The following BABAM2 variants were observed in gnomAD, a reference collection of about 807,000 sequenced individuals.
BABAM2 encodes the protein BRISC and BRCA1 A complex member 2, also known as BRISC and BRCA1-A complex member 2.
A neutral mutation model predicts 54.7 loss-of-function variants in BABAM2; 31 were observed. That is an observed-to-expected ratio of 0.57 (90% CI 0.43 to 0.77). BABAM2 has a LOEUF of 0.77. Ranked by LOEUF, BABAM2 falls within the 30% of genes least tolerant of loss-of-function variation. BABAM2 has a pLI of 0.00. For missense variants in BABAM2, 364 were observed against 455.8 expected, an observed-to-expected ratio of 0.80 and a Z score of 1.83; for synonymous variants, 167 against 162.9, an observed-to-expected ratio of 1.03 and a Z score of -0.19.
intron 6 of BABAM2, among the ~76,000 whole-genome samples, chr2:28,050,694 C>T (rs778783120): frequency 1.3e-5 from 2 of 152,232 alleles, no homozygotes; most frequent in Middle Eastern, 3.4e-3. Flanking sequence ...TTAACTTGTA[C>T]GCTACCTGCC....
At chr2:28,326,392 G>A (rs545025431) in intron 11 of BABAM2, among the ~76,000 whole-genome samples, 1 of 152,268 alleles carries the variant, frequency 6.6e-6, no homozygotes, top group South Asian at 2.1e-4. Flanking sequence ...GGCACACCAG[G>A]CAGGTGCAGA....
chr2:28,324,099 G>A (rs893908317), intron 11 of BABAM2, among the ~76,000 whole-genome samples: 9 of 152,188 alleles, frequency 5.9e-5, no homozygotes, highest in African/African-American at 2.2e-4. Context: ...CATCTAGGGG[G>A]TTTTGTAGAA....
intron 7 of BABAM2, among the ~76,000 whole-genome samples, chr2:28,176,569 C>CAA (rs778275011): frequency 0.054 from 274 of 5,030 alleles, 119 homozygotes; most frequent in South Asian, 0.096. Flanking sequence ...GACTCTATCT[C>CAA]AAAAAAAAAA....
At chr2:28,324,460 A>G (rs1011015234) in intron 11 of BABAM2, among the ~76,000 whole-genome samples, 1 of 152,084 alleles carries the variant, frequency 6.6e-6, no homozygotes, top group African/African-American at 2.4e-5. Flanking sequence ...ATTGCCACCT[A>G]TTAGCTGTGT....
intron 6 of BABAM2, among the ~76,000 whole-genome samples, chr2:28,095,273 T>C (rs1010394689): frequency 6.6e-6 from 1 of 152,080 alleles, no homozygotes; most frequent in Non-Finnish European, 1.5e-5. Context: ...CAAGTCTGGG[T>C]CAGGTGCCTT....
intron 2 of BABAM2, among the ~76,000 whole-genome samples, chr2:27,926,986 A>G (rs1278684939): frequency 6.6e-6 from 1 of 152,180 alleles, no homozygotes; most frequent in Non-Finnish European, 1.5e-5. Context: ...ACTATTTATT[A>G]TTGTTAACTC....
Position 27,894,578 on chromosome 2 carries a change from A to G in BABAM2, c.22A>G (p.Asn8Asp). The change falls in exon 2 of 12, where the codon AAC (asparagine) becomes GAC (aspartate). Residue 8 changes from asparagine to aspartate, a missense_variant. Physicochemically the swap from Asn to Asp is conservative, Grantham distance 23. Coordinates refer to ENST00000379624, the MANE Select transcript of BABAM2 (RefSeq NM_199191.3). Reference protein sequence around the residue: MSPEVALNRISPMLSPFI... With the variant: MSPEVALDRISPMLSPFI... ...TAAAATGTCCCCAGAAGTGGCCTTG[A>G]ACCGAATATCTCCAATGCTCTCCCC... is the stretch of plus-strand genomic sequence containing the variant. 1 of 1,614,100 alleles carries G rather than the reference A, an allele frequency of 6.2e-7. No homozygotes were observed. The highest frequency in any genetic ancestry group is 8.5e-7 in the Non-Finnish European group (1 of 1,179,956).
At chr2:28,033,196 T>C (rs980312909) in intron 5 of BABAM2, among the ~76,000 whole-genome samples, 7 of 152,262 alleles carry the variant, frequency 4.6e-5, no homozygotes, top group African/African-American at 1.7e-4. Context: ...TCTCAATGGG[T>C]AAATCCTAAG....
At chr2:27,974,213 A>G (rs1289810012) in intron 3 of BABAM2, among the ~76,000 whole-genome samples, 2 of 152,212 alleles carry the variant, frequency 1.3e-5, no homozygotes, top group Admixed American at 1.3e-4. Flanking sequence ...CATTTTTCTG[A>G]TATCAAAATC....
At chr2:28,081,041 A>T (rs974030351) in intron 6 of BABAM2, among the ~76,000 whole-genome samples, 2 of 152,190 alleles carry the variant, frequency 1.3e-5, no homozygotes, top group African/African-American at 4.8e-5. Flanking sequence ...ACACCAAAAG[A>T]ATTTTTATTG....
At chr2:28,123,666 G>T (rs765282671) in intron 6 of BABAM2, among the ~76,000 whole-genome samples, 1 of 152,158 alleles carries the variant, frequency 6.6e-6, no homozygotes, top group African/African-American at 2.4e-5. Flanking sequence ...ACAGCACTGT[G>T]TGGATTTGTA....
At chr2:28,126,657 C>A (rs1412020564) in intron 6 of BABAM2, among the ~76,000 whole-genome samples, 1 of 114,938 alleles carries the variant, frequency 8.7e-6, no homozygotes, top group Non-Finnish European at 1.8e-5. Context: ...GGGTATATAC[C>A]CAGTAATGGG....
intron 11 of BABAM2, chr2:28,309,132 A>C (rs533729871): frequency 6.6e-6 from 1 of 152,084 alleles, no homozygotes; most frequent in East Asian, 1.9e-4. Context: ...TCCTCCTTCA[A>C]GCTCTTTCAG....
chr2:28,281,020 C>A (rs1402074455), intron 10 of BABAM2, among the ~76,000 whole-genome samples: 1 of 152,160 alleles, frequency 6.6e-6, no homozygotes, highest in Non-Finnish European at 1.5e-5. Flanking sequence ...TTGGAACTTT[C>A]CTTTCTCTTT....
chr2:28,228,606 CTG>C (rs1420688815), intron 7 of BABAM2, among the ~76,000 whole-genome samples: 2 of 152,004 alleles, frequency 1.3e-5, no homozygotes, highest in Non-Finnish European at 2.9e-5. Context: ...CTTAAAGAAA[CTG>C]TAATGCAATC....
At chr2:28,210,180 T>C (rs1679312800) in intron 7 of BABAM2, among the ~76,000 whole-genome samples, 1 of 152,196 alleles carries the variant, frequency 6.6e-6, no homozygotes, top group Non-Finnish European at 1.5e-5. Context: ...GGAAGGCCTG[T>C]CCTCCCTGGT....
At chr2:28,235,106 T>C (rs1681777416) in intron 7 of BABAM2, among the ~76,000 whole-genome samples, 1 of 152,264 alleles carries the variant, frequency 6.6e-6, no homozygotes, top group African/African-American at 2.4e-5. Context: ...CCACTCCACA[T>C]TGACTTCCTT....
At chr2:28,155,255 C>A (rs1277432811) in intron 7 of BABAM2, among the ~76,000 whole-genome samples, 1 of 152,152 alleles carries the variant, frequency 6.6e-6, no homozygotes, top group Non-Finnish European at 1.5e-5. Context: ...TCTTTACCCT[C>A]CGTTTGCTCA....
intron 11 of BABAM2, among the ~76,000 whole-genome samples, chr2:28,334,536 C>G (rs1233543870): frequency 6.6e-6 from 1 of 152,248 alleles, no homozygotes; most frequent in African/African-American, 2.4e-5. Flanking sequence ...TCAGCCCTCC[C>G]TGAAAGTGGT....
Sources: allele counts gnomAD v4.1 joint callset (sites outside exome capture counted in the v4.1 genomes callset), GRCh38; gene constraint gnomAD v4.1.1; transcripts MANE v1.5; gene names NCBI Gene and HGNC (gene_info 2026-07-23, HGNC 2026-07-21).